Variants in ARMH3 observed in about 807,000 individuals in gnomAD.
ARMH3 encodes armadillo like helical domain containing 3, also known as armadillo-like helical domain-containing protein 3.
A neutral mutation model predicts 99.1 loss-of-function variants in ARMH3; 60 were observed. The observed-to-expected ratio is 0.61, with a 90% confidence interval of 0.49 to 0.75. The LOEUF (loss-of-function observed/expected upper bound fraction) is 0.75, where lower values mean the gene tolerates loss of function less well. ARMH3 is among the 30% of genes least tolerant of loss of function. ARMH3 has a pLI of 0.00. For synonymous variants in ARMH3, 285 were observed against 292.8 expected (o/e 0.97, Z 0.27); for missense variants, 679 against 843.1 (o/e 0.81, Z 2.41).
In ARMH3 at chr10:102,001,979, T is replaced by C; in HGVS notation, c.1142A>G (p.Asp381Gly). The change falls in exon 15 of 26, where the codon GAC becomes GGC. Residue 381 changes from aspartate to glycine, a missense_variant. Physicochemically the swap from Asp to Gly is moderately conservative, Grantham distance 94. This residue lies in a region of ARMH3 where 389 missense variants were observed against 456.5 expected (regional missense o/e 0.85). Coordinates refer to ENST00000370033, the MANE Select transcript of ARMH3 (RefSeq NM_024541.3). ...AAATAGCTATGGCTTACCTTTGGTGTCCTGCATGACAATTGAGCTATACTT... is the reference window on the plus strand; with the variant it reads ...AAATAGCTATGGCTTACCTTTGGTGCCCTGCATGACAATTGAGCTATACTT... Reference protein sequence around the residue: ...FLKYSSIVMQDTKDEHRLHSG... With the variant: ...FLKYSSIVMQGTKDEHRLHSG... 2 of 1,614,138 alleles carry C rather than the reference T, an allele frequency of 1.2e-6. No homozygotes were observed. Among genetic ancestry groups the C allele is most frequent in the Non-Finnish European group, 1.7e-6 (2 of 1,179,976 alleles).
chr10:101,939,898 T>C lies in ARMH3; in HGVS notation c.1746A>G (p.Ala582=), dbSNP rs777983934. 6.2e-7 allele frequency: 1 copy of C among 1,613,858 alleles called. No individual in the cohort carries two copies. The highest frequency in any genetic ancestry group is 8.5e-7 in the Non-Finnish European group (1 of 1,179,966). ...LSTNAGQWKE[A]ASKVTHALVN... ...CCAATGCATGGGTCACCTTGCTAGC[T>C]GCTTCCTTCCACTGGCCTGCATTGG... Residue 582 remains alanine, a synonymous_variant, in exon 23 of 26, where the codon GCA becomes GCG. Coordinates refer to ENST00000370033, the MANE Select transcript of ARMH3 (RefSeq NM_024541.3).
intron 13 of ARMH3, 137 bp from the exon 14 acceptor site, chr10:102,006,770 C>A: frequency 1.5e-6 from 1 of 680,154 alleles, no homozygotes; most frequent in Non-Finnish European, 2.4e-6. Flanking sequence ...CTATGTTGTC[C>A]AAGCTGGTCT....
chr10:101,928,782 G>A (rs1341111186), intron 23 of ARMH3, among the ~76,000 whole-genome samples: 1 of 152,232 alleles, frequency 6.6e-6, no homozygotes, highest in Non-Finnish European at 1.5e-5. Context: ...CCAGGCTGGA[G>A]TGCAATGGTG....
rs528614305 is a variant in ARMH3, at chr10:102,040,055, T to C, written c.60A>G (p.Pro20=). The change falls in exon 2 of 26, where the codon CCA becomes CCG. Residue 20 remains proline, a synonymous_variant. Transcript: ENST00000370033. The part of the protein sequence containing the change: ...LLRKSSASKK[P]LKEKVVLMYD... The stretch of plus-strand genomic sequence containing the variant: ...ACATCAGCACCACTTTTTCCTTCAG[T>C]GGTTTTTTGGAGGCTGAAGATTTCC... 1.2e-6 allele frequency: 2 copies of C among 1,614,240 alleles called. No individual in the cohort carries two copies. Among genetic ancestry groups the C allele is most frequent in the African/African-American group, 2.7e-5 (2 of 75,068 alleles).
chr10:101,872,937 A>G (rs554406887), intron 24 of ARMH3, among the ~76,000 whole-genome samples: 1 of 150,908 alleles, frequency 6.6e-6, no homozygotes, highest in African/African-American at 2.4e-5. Flanking sequence ...CAGCATGTGT[A>G]ACATAGCAAG....
intron 24 of ARMH3, among the ~76,000 whole-genome samples, chr10:101,854,090 G>A (rs995332185): frequency 1.3e-5 from 2 of 152,138 alleles, no homozygotes; most frequent in South Asian, 2.1e-4. Context: ...TCCAGCCTGG[G>A]CAACAGAGCG....
intron 24 of ARMH3, among the ~76,000 whole-genome samples, chr10:101,888,404 G>C (rs2067604350): frequency 6.6e-6 from 1 of 152,238 alleles, no homozygotes; most frequent in Admixed American, 6.5e-5. Flanking sequence ...ACAACTGACA[G>C]ACTAATAGAG....
intron 15 of ARMH3, 102 bp downstream of exon 15, chr10:102,001,869 T>G (rs1216706309): frequency 9.6e-7 from 1 of 1,039,012 alleles, no homozygotes. Context: ...AAGGCCCCAA[T>G]AGTTCATCTT....
intron 23 of ARMH3, among the ~76,000 whole-genome samples, chr10:101,903,962 T>C (rs1295671045): frequency 2.6e-5 from 4 of 152,174 alleles, no homozygotes; most frequent in African/African-American, 7.2e-5. Flanking sequence ...GTTTTCTAAG[T>C]TGGAGGCAGG....
intron 23 of ARMH3, among the ~76,000 whole-genome samples, chr10:101,915,985 T>C (rs1416928805): frequency 6.6e-6 from 1 of 152,014 alleles, no homozygotes; most frequent in Admixed American, 6.6e-5. Flanking sequence ...TTTGTATTTT[T>C]AGTAGAGACG....
intron 22 of ARMH3, among the ~76,000 whole-genome samples, chr10:101,946,071 C>CAAAAAAAAAAA (rs569179050): frequency 8.7e-5 from 3 of 34,486 alleles, no homozygotes; most frequent in African/African-American, 7.2e-4. Flanking sequence ...GACTCTGCCT[C>CAAAAAAAAAAA]AAAAAAAAAA....
At chr10:102,029,797 T>G (rs747988848) in intron 4 of ARMH3, 52 bp from the exon 5 acceptor site, 2 of 1,523,340 alleles carry the variant, frequency 1.3e-6, no homozygotes, top group Non-Finnish European at 1.8e-6. Context: ...TCAGGGTCTG[T>G]AGACCCACAT....
intron 18 of ARMH3, among the ~76,000 whole-genome samples, chr10:101,990,885 T>C (rs557019692): frequency 2.0e-5 from 3 of 152,348 alleles, no homozygotes; most frequent in African/African-American, 4.8e-5. Context: ...GAAAATTTCA[T>C]TGTATAGATA....
intron 24 of ARMH3, among the ~76,000 whole-genome samples, chr10:101,885,280 G>A (rs2067513588): frequency 6.6e-6 from 1 of 152,296 alleles, no homozygotes; most frequent in Non-Finnish European, 1.5e-5. Flanking sequence ...CCACTTCTGA[G>A]TATATACACA....
intron 24 of ARMH3, among the ~76,000 whole-genome samples, chr10:101,866,287 T>C (rs753001490): frequency 6.6e-6 from 1 of 151,096 alleles, no homozygotes; most frequent in African/African-American, 2.4e-5. Flanking sequence ...TTTAGTGCAA[T>C]AGTGTAAAAC....
chr10:101,891,883 C>T (rs1026325444), intron 23 of ARMH3, among the ~76,000 whole-genome samples: 17 of 152,020 alleles, frequency 1.1e-4, no homozygotes, highest in African/African-American at 3.1e-4. Flanking sequence ...CTAAGGTGAG[C>T]GGATCACTTG....
At chr10:101,985,008 C>T (rs1333484710) in intron 19 of ARMH3, among the ~76,000 whole-genome samples, 2 of 150,836 alleles carry the variant, frequency 1.3e-5, no homozygotes, top group East Asian at 3.9e-4. Context: ...GCGGAGGTTG[C>T]AGTGAGCTGA....
At chr10:101,872,941 T>C (rs747288048) in intron 24 of ARMH3, among the ~76,000 whole-genome samples, 20 of 146,122 alleles carry the variant, frequency 1.4e-4, no homozygotes, top group Non-Finnish European at 1.2e-4. Flanking sequence ...ATGTGTAACA[T>C]AGCAAGACTC....
intron 23 of ARMH3, among the ~76,000 whole-genome samples, chr10:101,912,506 T>A (rs1312904724): frequency 6.6e-6 from 1 of 152,170 alleles, no homozygotes; most frequent in Non-Finnish European, 1.5e-5. Flanking sequence ...CATTTCTGAT[T>A]GATTTTTGTA....
Sources: gnomAD v4.1 joint callset for allele counts (sites outside exome capture counted in the v4.1 genomes callset) on GRCh38, gnomAD v4.1.1 for gene constraint, gnomAD v4.1.1 regional missense constraint, MANE v1.5 for transcripts, NCBI Gene and HGNC (gene_info 2026-07-23, HGNC 2026-07-21) for gene names.